The following NSUN6 variants were observed in gnomAD, a reference collection of about 807,000 sequenced individuals.
NSUN6 encodes NOP2/Sun RNA methyltransferase 6.
Under a neutral mutation model 58.0 loss-of-function variants are expected in NSUN6, and 64 were observed. The ratio of observed to expected loss-of-function variants is 1.10; its 90% CI spans 0.90 to 1.36. NSUN6 has a LOEUF of 1.36. NSUN6 is among the 40% of genes most tolerant of loss of function. The pLI is 0.00. For synonymous variants in NSUN6, 231 were observed against 193.9 expected, an observed-to-expected ratio of 1.19 and a Z score of -1.59; for missense variants, 701 against 550.1, an observed-to-expected ratio of 1.27 and a Z score of -2.74.
intron 5 of NSUN6, among the ~76,000 whole-genome samples, chr10:18,610,896 A>G (rs1353471280): frequency 2.6e-5 from 4 of 152,152 alleles, no homozygotes; most frequent in Non-Finnish European, 4.4e-5. Flanking sequence ...AGTCTCATTA[A>G]AAGGGAAGTA....
At chr10:18,651,057 T>C in intron 1 of NSUN6, 72 bp downstream of exon 1, 2 of 1,553,318 alleles carry the variant, frequency 1.3e-6, no homozygotes, top group Non-Finnish European at 1.7e-6. Flanking sequence ...TTTATACTTA[T>C]TTCTATTTCT....
At chr10:18,596,798 A>G (rs936892293) in intron 6 of NSUN6, among the ~76,000 whole-genome samples, 5 of 152,168 alleles carry the variant, frequency 3.3e-5, no homozygotes, top group Admixed American at 1.3e-4. Context: ...CCATTTTCAT[A>G]TAGACATATC....
upstream of NSUN6, chr10:18,653,138 A>G (rs1194689645): frequency 5.1e-6 from 5 of 985,052 alleles, no homozygotes; most frequent in Non-Finnish European, 6.0e-6. Flanking sequence ...TCTGTATTTT[A>G]GCGATAAAGG....
upstream of NSUN6, chr10:18,653,078 T>TA (rs2059736775): frequency 1.0e-6 from 1 of 984,620 alleles, no homozygotes; most frequent in African/African-American, 1.7e-5. Flanking sequence ...TCCAAAGGAA[T>TA]TTCTGTAGCC....
chr10:18,569,659 C>G (rs2056221771), intron 8 of NSUN6, among the ~76,000 whole-genome samples: 1 of 150,892 alleles, frequency 6.6e-6, no homozygotes, highest in Admixed American at 6.6e-5. Context: ...ATTATATTCA[C>G]TACTGCATTC....
intron 3 of NSUN6, among the ~76,000 whole-genome samples, chr10:18,639,826 T>A (rs1054785913): frequency 6.6e-6 from 1 of 152,218 alleles, no homozygotes; most frequent in African/African-American, 2.4e-5. Flanking sequence ...AAATCTCTCA[T>A]ACACTGCTGA....
intron 2 of NSUN6, among the ~76,000 whole-genome samples, chr10:18,645,819 T>C (rs1211372156): frequency 5.3e-5 from 8 of 152,202 alleles, no homozygotes; most frequent in Non-Finnish European, 1.2e-4. Flanking sequence ...GATCATATTA[T>C]TTACATTTCA....
chr10:18,569,912 C>T (rs2056237421), intron 8 of NSUN6, among the ~76,000 whole-genome samples: 1 of 149,756 alleles, frequency 6.7e-6, no homozygotes, highest in Non-Finnish European at 1.5e-5. Flanking sequence ...TCCTTCCATT[C>T]TCCATTCCAT....
At chr10:18,628,957 T>A (rs888625579) in intron 3 of NSUN6, among the ~76,000 whole-genome samples, 5 of 152,094 alleles carry the variant, frequency 3.3e-5, no homozygotes, top group Non-Finnish European at 5.9e-5. Flanking sequence ...AATTGTCAGA[T>A]TCACCAAAGT....
rs2054221957 is a variant in NSUN6 at position 18,545,878 on chromosome 10, A to AAAAAAAAC, written c.*54_*55insGTTTTTTT. ...TGACAACACTTTGGTTAAAAAAAAA[A>AAAAAAAAC]AAACCACAGACAGCAAATGTTTGGA... On this transcript the variant is annotated 3_prime_UTR_variant, in exon 11 of 11. Coordinates refer to ENST00000377304, the MANE Select transcript of NSUN6 (RefSeq NM_182543.5). The AAAAAAAAC allele has an allele frequency of 3.7e-6, 4 of 1,081,064 alleles. No homozygotes were observed. The East Asian group carries it at 7.1e-5, about 19-fold the overall frequency. The allele number at this position is 1,081,064 out of a possible 1,614,324, so 67.0% of individuals were successfully genotyped here.
chr10:18,620,333 C>T (rs12250601), intron 3 of NSUN6, among the ~76,000 whole-genome samples: 4,001 of 152,108 alleles, frequency 0.026, 172 homozygotes, highest in African/African-American at 0.09. Flanking sequence ...GTGATCCGCC[C>T]GCCTCGGCCT....
chr10:18,546,193 A>AGTCATACTTGCT, intron 10 of NSUN6, 48 bp from the exon 11 acceptor site: 1 of 1,226,358 alleles, frequency 8.2e-7, no homozygotes, highest in African/African-American at 1.5e-5. Context: ...TGTAATTAGC[A>AGTCATACTTGCT]AGTATGACTG....
In NSUN6 at chr10:18,557,437, G is replaced by C. The variant is rs546181361; in HGVS notation, c.923-5466C>G. ...GGAGAATGGAATGGAATGGAGAATG[G>C]AATGAAATGGAATGGAGAATGGAAT... is the stretch of plus-strand genomic sequence containing the variant. On this transcript the variant is annotated intron_variant, in intron 8 of 10. Coordinates refer to ENST00000377304, the MANE Select transcript of NSUN6 (RefSeq NM_182543.5). Among the ~76,000 whole-genome samples the C allele has an allele frequency of 1.5e-3, 222 of 150,936 alleles. 2 individuals are homozygous for C. The highest frequency in any genetic ancestry group is 6.9e-3 in the Middle Eastern group (2 of 288).
At chr10:18,652,061 G>A (rs543768239), upstream of NSUN6, 907 of 985,306 alleles carry the variant, frequency 9.2e-4, 2 homozygotes, top group Non-Finnish European at 1.1e-3. Flanking sequence ...AGTTCATAGG[G>A]TTCATATTTT....
chr10:18,626,122 T>G (rs994726179), intron 3 of NSUN6, among the ~76,000 whole-genome samples: 1 of 151,534 alleles, frequency 6.6e-6, no homozygotes, highest in African/African-American at 2.4e-5. Context: ...AATAAAGACA[T>G]TAATAAAGAT....
chr10:18,582,072 AGGAG>A (rs2056928038), intron 8 of NSUN6, among the ~76,000 whole-genome samples: 1 of 152,060 alleles, frequency 6.6e-6, no homozygotes, highest in South Asian at 2.1e-4. Flanking sequence ...GAAAGTCCCT[AGGAG>A]GTCATATACC....
At chr10:18,560,368 G>A (rs909949007) in intron 8 of NSUN6, among the ~76,000 whole-genome samples, 2 of 151,670 alleles carry the variant, frequency 1.3e-5, no homozygotes, top group Non-Finnish European at 2.9e-5. Context: ...ATGCAGGATG[G>A]AATGGAATGG....
chr10:18,565,822 C>A (rs933887825), intron 8 of NSUN6, among the ~76,000 whole-genome samples: 3 of 147,888 alleles, frequency 2.0e-5, no homozygotes, highest in African/African-American at 5.0e-5. Context: ...CCATTCCATT[C>A]TCCATTCCAT....
intron 8 of NSUN6, among the ~76,000 whole-genome samples, chr10:18,562,653 G>T (rs1002884261): frequency 4.6e-5 from 7 of 151,262 alleles, no homozygotes; most frequent in African/African-American, 1.7e-4. Flanking sequence ...ATGGAGAATG[G>T]AAGGGAATGG....
Sources: gnomAD v4.1 joint callset for allele counts (sites outside exome capture counted in the v4.1 genomes callset) on GRCh38, gnomAD v4.1.1 for gene constraint, MANE v1.5 for transcripts, NCBI Gene and HGNC (gene_info 2026-07-23, HGNC 2026-07-21) for gene names.